The following DENND2A variants were observed in gnomAD, a reference collection of about 807,000 sequenced individuals.
DENND2A encodes DENN domain-containing protein 2A.
Under a neutral mutation model 105.3 loss-of-function variants are expected in DENND2A, and 53 were observed. The observed-to-expected ratio is 0.50, with a 90% CI of 0.40 to 0.63. The LOEUF (loss-of-function observed/expected upper bound fraction) is 0.63, where lower values mean the gene tolerates loss of function less well. Among genes scored for constraint, DENND2A ranks in the 30% least tolerant of loss-of-function variants. The probability of loss-of-function intolerance (pLI) is 0.00; values close to 1 mark genes in which losing one functional copy is unlikely to be tolerated. For missense variants in DENND2A, 1,138 were observed against 1,279.6 expected, an observed-to-expected ratio of 0.89 and a Z score of 1.69; for synonymous variants, 522 against 508.4, an observed-to-expected ratio of 1.03 and a Z score of -0.36.
rs769179634 is a variant in DENND2A, at chr7:140,527,471, C to T, written c.2352G>A (p.Ala784=). ...CGAAGGGGTAGATCAGCGCCACCATCGCGTGGCAGCACTTGGACAGGATGC... is the reference window on the plus strand; with the variant it reads ...CGAAGGGGTAGATCAGCGCCACCATTGCGTGGCAGCACTTGGACAGGATGC... ...KLSILSKCCH[A]MVALIYPFAW... The change falls in exon 15 of 20, where the codon GCG becomes GCA. Residue 784 remains alanine (A), a synonymous_variant. Coordinates refer to ENST00000496613, the MANE Select transcript of DENND2A (RefSeq NM_015689.5). The surrounding 1 kb of genome is among the most constrained non-coding windows in gnomAD (Gnocchi z 4.9). 22 of 1,604,970 alleles carry T rather than the reference C, an allele frequency of 1.4e-5. No homozygotes were observed. The highest frequency in any genetic ancestry group is 4.5e-5 in the East Asian group (2 of 44,594).
chr7:140,566,742 A>G (rs192766867), intron 9 of DENND2A, among the ~76,000 whole-genome samples: 25 of 135,066 alleles, frequency 1.9e-4, no homozygotes, highest in Admixed American at 1.6e-3. Flanking sequence ...GCCGGAGTGC[A>G]GTGGCGTGAT....
intron 6 of DENND2A, among the ~76,000 whole-genome samples, 196 bp from the exon 7 acceptor site, chr7:140,569,934 G>A (rs1798025697): frequency 6.6e-6 from 1 of 151,432 alleles, no homozygotes; most frequent in Non-Finnish European, 1.5e-5. Context: ...CGCTCTTGTC[G>A]ACCAGACTGG....
intron 14 of DENND2A, among the ~76,000 whole-genome samples, chr7:140,538,492 A>G (rs1585577607): frequency 6.6e-6 from 1 of 151,928 alleles, no homozygotes; most frequent in East Asian, 1.9e-4. Flanking sequence ...TAACCTGAAG[A>G]CTTTCTTTTT....
intron 4 of DENND2A, among the ~76,000 whole-genome samples, chr7:140,586,406 CAA>C (rs1491414273): frequency 7.3e-6 from 1 of 137,052 alleles, no homozygotes; most frequent in Admixed American, 7.2e-5. Context: ...CACACACACA[CAA>C]ATTAACTGAG....
rs1797871583 is a variant in DENND2A at position 140,567,144 on chromosome 7, T to C, written c.1721A>G (p.His574Arg). ...LFEYFVVVSL[H>R]KKQAGAAYVP... is the part of the protein sequence containing the mutation. ...GTAGGCAGCCCCGGCCTGCTTCTTG[T>C]GCAAAGACACAACCACAAAGTACTC... is the stretch of plus-strand genomic sequence containing the variant. Residue 574 changes from histidine (H) to arginine (R), a missense_variant, in exon 9 of 20, where the codon CAC becomes CGC. This residue lies in a region of DENND2A where 627 missense variants were observed against 779.8 expected (regional missense o/e 0.80). Coordinates refer to ENST00000496613, the MANE Select transcript of DENND2A (RefSeq NM_015689.5). The C allele has an allele frequency of 1.9e-6, 3 of 1,612,280 alleles. No homozygotes were observed. Among genetic ancestry groups the C allele is most frequent in the Non-Finnish European group, 2.5e-6 (3 of 1,179,336 alleles).
At position 140,523,586 on chromosome 7, in the gene DENND2A, T is replaced by C. The variant is rs1400594800; in HGVS notation, c.2548-162A>G. On this transcript the variant is annotated intron_variant, in intron 16 of 19. Transcript: ENST00000496613. The surrounding 1 kb of genome is among the most constrained non-coding windows in gnomAD (Gnocchi z 4.5). ...CTGAGGTTTCAATCTTGAGCCTACTTTTTTTTTTGAGACAGAGTTTCACTC... is the reference window on the plus strand; with the variant it reads ...CTGAGGTTTCAATCTTGAGCCTACTCTTTTTTTTGAGACAGAGTTTCACTC... Among the ~76,000 whole-genome samples the C allele has an allele frequency of 6.6e-6, 1 of 151,074 alleles. No homozygotes were observed. Among genetic ancestry groups the C allele is most frequent in the Non-Finnish European group, 1.5e-5 (1 of 67,672 alleles).
intron 13 of DENND2A, among the ~76,000 whole-genome samples, chr7:140,545,694 C>G (rs1796867218): frequency 2.6e-5 from 4 of 152,184 alleles, no homozygotes; most frequent in Admixed American, 2.6e-4. Context: ...TTATTCTGCA[C>G]TTGTTGAAAT....
chr7:140,538,821 TTTTC>T (rs1291689856), intron 14 of DENND2A, among the ~76,000 whole-genome samples: 1 of 149,096 alleles, frequency 6.7e-6, no homozygotes, highest in Admixed American at 6.7e-5. Context: ...TTAAAAAATT[TTTTC>T]TTTCTTTATT....
chr7:140,530,592 T>C (rs531030909), intron 14 of DENND2A, among the ~76,000 whole-genome samples: 56 of 152,188 alleles, frequency 3.7e-4, no homozygotes, highest in African/African-American at 1.3e-3. Context: ...GTCTTCTTTA[T>C]TAGCTGGGTA....
intron 2 of DENND2A, among the ~76,000 whole-genome samples, chr7:140,604,933 T>G (rs1205140105): frequency 6.6e-6 from 1 of 152,222 alleles, no homozygotes; most frequent in Non-Finnish European, 1.5e-5. Context: ...ACTTTCTAAA[T>G]CTTGGTATCA....
intron 1 of DENND2A, among the ~76,000 whole-genome samples, chr7:140,631,433 A>G (rs1001584708): frequency 4.6e-5 from 7 of 152,030 alleles, no homozygotes; most frequent in Non-Finnish European, 1.5e-5. Flanking sequence ...CAGACCAGGA[A>G]TCTTGGCTGT....
intron 5 of DENND2A, among the ~76,000 whole-genome samples, chr7:140,576,546 T>C (rs1438804874): frequency 6.6e-6 from 1 of 152,230 alleles, no homozygotes; most frequent in Non-Finnish European, 1.5e-5. Context: ...TATCTTAAAC[T>C]CTCACAGAAT....
rs758383334 is a variant in DENND2A at position 140,567,117 on chromosome 7, A to G, written c.1748T>C (p.Val583Ala). 20 of 1,604,408 alleles carry G rather than the reference A, an allele frequency of 1.2e-5. No homozygotes were observed. The South Asian group carries it at 2.0e-4, about 16-fold the overall frequency. ...AGGGAACTGTTGGGTGAGTTCTGGC[A>G]CGTAGGCAGCCCCGGCCTGCTTCTT... ...LHKKQAGAAY[V>A]PELTQQFPLK... The change falls in exon 9 of 20, where the codon GTG (valine) becomes GCG (alanine). Residue 583 changes from valine (V) to alanine (A), a missense_variant. Physicochemically the swap from Val to Ala is moderately conservative, Grantham distance 64. Transcript: ENST00000496613.
intron 1 of DENND2A, among the ~76,000 whole-genome samples, chr7:140,614,972 C>T (rs1800029816): frequency 6.6e-6 from 1 of 152,134 alleles, no homozygotes; most frequent in Non-Finnish European, 1.5e-5. Context: ...GATCTTCCTA[C>T]CTCAGCTCCC....
chr7:140,545,887 T>G (rs568255291), intron 13 of DENND2A, among the ~76,000 whole-genome samples: 21 of 152,276 alleles, frequency 1.4e-4, no homozygotes, highest in African/African-American at 4.8e-4. Flanking sequence ...AGCCACTGCA[T>G]CTGGTATGGG....
intron 12 of DENND2A, among the ~76,000 whole-genome samples, chr7:140,547,268 G>T (rs945234972): frequency 2.0e-5 from 3 of 152,194 alleles, no homozygotes; most frequent in African/African-American, 4.8e-5. Context: ...CCCCAAGGGG[G>T]TAAGAACTGG....
At chr7:140,633,754 A>G (rs1426135241) in intron 1 of DENND2A, among the ~76,000 whole-genome samples, 1 of 152,084 alleles carries the variant, frequency 6.6e-6, no homozygotes. Flanking sequence ...CAAGAGACGA[A>G]CTTGGGACAA....
chr7:140,593,926 A>G (rs1404139636), intron 3 of DENND2A, among the ~76,000 whole-genome samples: 5 of 148,140 alleles, frequency 3.4e-5, no homozygotes, highest in African/African-American at 1.2e-4. Flanking sequence ...TTTTTCTGAG[A>G]TGGAGTTTCA....
At chr7:140,556,125 C>T (rs1797354856) in intron 11 of DENND2A, among the ~76,000 whole-genome samples, 1 of 152,116 alleles carries the variant, frequency 6.6e-6, no homozygotes, top group South Asian at 2.1e-4. Context: ...TCAAGCGATT[C>T]TCCTGCCTCA....
Sources: allele counts gnomAD v4.1 joint callset (sites outside exome capture counted in the v4.1 genomes callset), GRCh38; gene constraint gnomAD v4.1.1; regional missense constraint gnomAD v4.1.1; non-coding constraint Gnocchi (gnomAD v3.1); transcripts MANE v1.5; gene names NCBI Gene and HGNC (gene_info 2026-07-23, HGNC 2026-07-21).